COL7A1: variants seen among roughly 807,000 people sequenced by gnomAD.
COL7A1 encodes the protein collagen type VII alpha 1 chain.
COL7A1 carries 296 observed loss-of-function variants against 456.2 expected under a neutral mutation model. The ratio of observed to expected loss-of-function variants is 0.65; its 90% CI spans 0.59 to 0.71. The LOEUF is 0.71. COL7A1 is among the 30% of genes least tolerant of loss of function. The pLI is 0.00. For synonymous variants in COL7A1, 1,464 were observed against 1,525.9 expected, an observed-to-expected ratio of 0.96 and a Z score of 0.95; for missense variants, 3,441 against 4,017.2, an observed-to-expected ratio of 0.86 and a Z score of 3.88.
At position 48,593,738 on chromosome 3, in the gene COL7A1, C is replaced by T. The variant is rs764200101; in HGVS notation, c.267-42G>A. The T allele has an allele frequency of 3.1e-6, 5 of 1,613,588 alleles. No individual in the cohort carries two copies. Among genetic ancestry groups the T allele is most frequent in the Non-Finnish European group, 4.2e-6 (5 of 1,179,650 alleles). ...GTGGCAACAGGCTAGGACTCAGGAT[C>T]TCTTCTGGCCCTGGCCTTGAGGAGG... On this transcript the variant is annotated intron_variant, in intron 3 of 118. Transcript: ENST00000681320. The surrounding 1 kb of genome is among the most constrained non-coding windows in gnomAD (Gnocchi z 4.4).
In COL7A1 at chr3:48,583,738, G is replaced by C; in HGVS notation, c.4321C>G (p.Pro1441Ala). 1.2e-6 allele frequency: 2 copies of C among 1,614,024 alleles called. No individual in the cohort carries two copies. The highest frequency in any genetic ancestry group is 1.7e-6 in the Non-Finnish European group (2 of 1,179,970). The stretch of plus-strand genomic sequence containing the variant: ...CCTACTTTTTCTCCTTTCTTTCCAG[G>C]GGGGCCAACGGGGCCTTGGGGTCCA... The part of the protein sequence containing the change: ...SPGPQGPVGP[P>A]GKKGEKGDSE... The change falls in exon 40 of 119, where the codon CCT becomes GCT. Residue 1441 changes from proline to alanine, a missense_variant. By Grantham distance (27) the Pro-to-Ala change is conservative. Transcript: ENST00000681320. This position sits in a 1 kb window ranked among gnomAD's most constrained non-coding sequence, Gnocchi z 5.1.
chr3:48,572,197 A>T lies in COL7A1; in HGVS notation c.6979-26T>A. ...CTGTTGACAGAGGTCAGGAGGCAAC[A>T]CAGGCATCAGTCACAGAAAGATGAG... On this transcript the variant is annotated intron_variant, in intron 90 of 118. Coordinates refer to ENST00000681320, the MANE Select transcript of COL7A1 (RefSeq NM_000094.4). The surrounding 1 kb of genome is among the most constrained non-coding windows in gnomAD (Gnocchi z 4.6). The T allele has an allele frequency of 6.2e-7, 1 of 1,614,064 alleles. No homozygotes were observed. The highest frequency in any genetic ancestry group is 8.5e-7 in the Non-Finnish European group (1 of 1,180,010).
rs752718837 is a variant in COL7A1, at chr3:48,579,442, A to T, written c.5271+38T>A. 23 of 1,613,976 alleles carry T rather than the reference A, an allele frequency of 1.4e-5. No individual in the cohort carries two copies. Among genetic ancestry groups the T allele is most frequent in the Non-Finnish European group, 1.9e-5 (22 of 1,179,992 alleles). ...GGGTCAGATAAGAGGTGAGGGTAAG[A>T]TGGGGACTTGGCAGACGGGGCAAAG... On this transcript the variant is annotated intron_variant, in intron 60 of 118. Coordinates refer to ENST00000681320, the MANE Select transcript of COL7A1 (RefSeq NM_000094.4). This position sits in a 1 kb window ranked among gnomAD's most constrained non-coding sequence, Gnocchi z 4.4.
Position 48,592,518 on chromosome 3 carries a change from A to C in COL7A1, c.977-51T>G, listed in dbSNP as rs2045777547. 1 of 1,611,474 alleles carries C rather than the reference A, an allele frequency of 6.2e-7. No individual in the cohort carries two copies. Among genetic ancestry groups the C allele is most frequent in the East Asian group, 2.2e-5 (1 of 44,842 alleles). On this transcript the variant is annotated intron_variant, in intron 8 of 118. Coordinates refer to ENST00000681320, the MANE Select transcript of COL7A1 (RefSeq NM_000094.4). This position sits in a 1 kb window ranked among gnomAD's most constrained non-coding sequence, Gnocchi z 7.6. ...CATGGAGTCAGAAGTGGGAGGGGGTACTGGGGTCGGGGGTTAGGTGAATGG... is the reference window on the plus strand; with the variant it reads ...CATGGAGTCAGAAGTGGGAGGGGGTCCTGGGGTCGGGGGTTAGGTGAATGG...
Position 48,567,674 on chromosome 3 carries a change from C to A in COL7A1, c.7983+36G>T. 1 of 1,614,110 alleles carries A rather than the reference C, an allele frequency of 6.2e-7. No homozygotes were observed. The highest frequency in any genetic ancestry group is 2.2e-5 in the East Asian group (1 of 44,876). On this transcript the variant is annotated intron_variant, in intron 108 of 118. Transcript: ENST00000681320. This position sits in a 1 kb window ranked among gnomAD's most constrained non-coding sequence, Gnocchi z 4.3. The stretch of plus-strand genomic sequence containing the variant: ...AGACATGAACTTGGCCCCCGTCCAC[C>A]CGTGGCCCCCTCATTCTGAGCGTGC...
At position 48,590,524 on chromosome 3, in the gene COL7A1, A is replaced by G. The variant is rs1361271599; in HGVS notation, c.1841T>C (p.Val614Ala). ...AGGGACGGGTCCCCAGGCCACCCTCACTCGCGTTGCATCTGACACCACAAC... is the reference window on the plus strand; with the variant it reads ...AGGGACGGGTCCCCAGGCCACCCTCGCTCGCGTTGCATCTGACACCACAAC... ...LRVVVSDATR[V>A]RVAWGPVPGA... is the part of the protein sequence containing the mutation. Residue 614 changes from valine (V) to alanine (A), a missense_variant, in exon 15 of 119, where the codon GTG becomes GCG. Val to Ala is a moderately conservative substitution (Grantham distance 64). Coordinates refer to ENST00000681320, the MANE Select transcript of COL7A1 (RefSeq NM_000094.4). The surrounding 1 kb of genome is among the most constrained non-coding windows in gnomAD (Gnocchi z 4.6). 25 of 1,613,806 alleles carry G rather than the reference A, an allele frequency of 1.5e-5. No individual in the cohort carries two copies. The highest frequency in any genetic ancestry group is 1.9e-5 in the Non-Finnish European group (22 of 1,180,008).
Position 48,565,578 on chromosome 3 carries a change from T to A in COL7A1, c.8440+58A>T. 1.5e-5 allele frequency: 24 copies of A among 1,613,928 alleles called. No homozygotes were observed. In the South Asian group the frequency reaches 2.5e-4, roughly 17 times the overall value. On this transcript the variant is annotated intron_variant, in intron 115 of 118. Transcript: ENST00000681320. This position sits in a 1 kb window ranked among gnomAD's most constrained non-coding sequence, Gnocchi z 4.5. ...GCCAACCCCCCTGAGAGGACCCCAGTTGATAGGCAGGGCAGGGCCTGGGGT... is the reference window on the plus strand; with the variant it reads ...GCCAACCCCCCTGAGAGGACCCCAGATGATAGGCAGGGCAGGGCCTGGGGT...
chr3:48,580,111 C>G lies in COL7A1; in HGVS notation c.5098-54G>C, dbSNP rs1300710833. 1.2e-6 allele frequency: 2 copies of G among 1,606,548 alleles called. No individual in the cohort carries two copies. Among genetic ancestry groups the G allele is most frequent in the Non-Finnish European group, 1.7e-6 (2 of 1,174,516 alleles). On this transcript the variant is annotated intron_variant, in intron 56 of 118. Coordinates refer to ENST00000681320, the MANE Select transcript of COL7A1 (RefSeq NM_000094.4). This position sits in a 1 kb window ranked among gnomAD's most constrained non-coding sequence, Gnocchi z 4.5. ...GGAGCCCTCAGGTCCCAGGCCATGG[C>G]TCTGGTTTGCCCCAGGCTCAACTCT...
Position 48,586,277 on chromosome 3 carries a change from C to G in COL7A1, c.3551-31G>C, listed in dbSNP as rs2045252550. The G allele has an allele frequency of 1.2e-6, 2 of 1,613,714 alleles. No individual in the cohort carries two copies. Among genetic ancestry groups the G allele is most frequent in the East Asian group, 4.5e-5 (2 of 44,882 alleles). On this transcript the variant is annotated intron_variant, in intron 27 of 118. Transcript: ENST00000681320. This position sits in a 1 kb window ranked among gnomAD's most constrained non-coding sequence, Gnocchi z 5.1. ...GTGGGGTCCAGTGGCTGCATGATAG[C>G]CTTTTCAGGGCCACCCCTATTCCCA...
Position 48,584,015 on chromosome 3 carries a change from ACAACCTGTC to A in COL7A1, c.4224+11_4224+19del, listed in dbSNP as rs2045008043. On this transcript the variant is annotated intron_variant, in intron 38 of 118. Coordinates refer to ENST00000681320, the MANE Select transcript of COL7A1 (RefSeq NM_000094.4). Reference sequence around the variant, plus strand: ...AATCAGACTCCAAGCCACCCCTAGCACAACCTGTCCCTCACTTACCCGCTCCCCACGATC... The same window carrying A: ...AATCAGACTCCAAGCCACCCCTAGCACCTCACTTACCCGCTCCCCACGATC... 1.2e-6 allele frequency: 2 copies of A among 1,613,962 alleles called. No individual in the cohort carries two copies. Among genetic ancestry groups the A allele is most frequent in the Non-Finnish European group, 1.7e-6 (2 of 1,180,016 alleles).
At position 48,579,369 on chromosome 3, in the gene COL7A1, C is replaced by T; in HGVS notation, c.5307G>A (p.Lys1769=). Residue 1769 remains lysine, a splice_region_variant and synonymous_variant, in exon 61 of 119, where the codon AAG becomes AAA. Coordinates refer to ENST00000681320, the MANE Select transcript of COL7A1 (RefSeq NM_000094.4). The surrounding 1 kb of genome is among the most constrained non-coding windows in gnomAD (Gnocchi z 4.4). The part of the protein sequence containing the change: ...DPGVRGPAGE[K]GDRGPPGLDG... ...CTGAGAAACCCCCACACCCTCTCAC[C>T]TTTTCTCCTGCTGGGCCTCGGACAC... The T allele has an allele frequency of 6.2e-7, 1 of 1,614,154 alleles. No homozygotes were observed. Among genetic ancestry groups the T allele is most frequent in the Non-Finnish European group, 8.5e-7 (1 of 1,180,026 alleles).
Position 48,568,854 on chromosome 3 carries a change from C to A in COL7A1, c.7688G>T (p.Gly2563Val). 1 of 1,573,728 alleles carries A rather than the reference C, an allele frequency of 6.4e-7. No homozygotes were observed. The highest frequency in any genetic ancestry group is 8.6e-7 in the Non-Finnish European group (1 of 1,158,172). ...RGDNGDPGDK[G>V]SKGEPGDKGS... is the part of the protein sequence containing the mutation. ...CTTGTCACCAGGCTCTCCCTTGCTG[C>A]CCTGTGGGAGTGACCAGGAGAGGGA... The change falls in exon 104 of 119, where the codon GGC becomes GTC. Residue 2563 changes from glycine to valine, a missense_variant and splice_region_variant. Gly to Val is a moderately radical substitution (Grantham distance 109, BLOSUM62 -3). Coordinates refer to ENST00000681320, the MANE Select transcript of COL7A1 (RefSeq NM_000094.4). This position sits in a 1 kb window ranked among gnomAD's most constrained non-coding sequence, Gnocchi z 5.2.
Position 48,579,327 on chromosome 3 carries a change from T to C in COL7A1, c.5307+42A>G. ...GCCACCAAGGCTGAGGTGGATCTGA[T>C]AACCCAGGCTCATGTCCTGAGAAAC... On this transcript the variant is annotated intron_variant, in intron 61 of 118. Transcript: ENST00000681320. This position sits in a 1 kb window ranked among gnomAD's most constrained non-coding sequence, Gnocchi z 4.4. 1 of 1,614,154 alleles carries C rather than the reference T, an allele frequency of 6.2e-7. No individual in the cohort carries two copies. The highest frequency in any genetic ancestry group is 8.5e-7 in the Non-Finnish European group (1 of 1,180,022).
In COL7A1 at chr3:48,571,911, C is replaced by T; in HGVS notation, c.7068+90G>A. 1 of 1,498,508 alleles carries T rather than the reference C, an allele frequency of 6.7e-7. No individual in the cohort carries two copies. The highest frequency in any genetic ancestry group is 9.1e-7 in the Non-Finnish European group (1 of 1,093,510). The allele number at this position is 1,498,508 out of a possible 1,614,324, so 92.8% of individuals were successfully genotyped here. A position where few individuals can be genotyped will look rare whatever the true frequency, so the allele number is the denominator to read the frequency against. ...GGACATGCAGCCCGACTCAGGGGCT[C>T]AGACATGTGCCCCGGCCCAAGAGTG... On this transcript the variant is annotated intron_variant, in intron 92 of 118. Coordinates refer to ENST00000681320, the MANE Select transcript of COL7A1 (RefSeq NM_000094.4). This position sits in a 1 kb window ranked among gnomAD's most constrained non-coding sequence, Gnocchi z 4.6.
At chr3:48,577,175 C>G in intron 65 of COL7A1, 148 bp from the exon 66 acceptor site, 1 of 1,091,546 alleles carries the variant, frequency 9.2e-7, no homozygotes, top group Non-Finnish European at 1.4e-6. Flanking sequence ...CTGTGGCCGT[C>G]TGAGTGAGCT....
rs770456964 is a variant in COL7A1, at chr3:48,579,806, T to TGGTGA, written c.5132_5133insTCACC (p.Gly1712HisfsTer131). Reference sequence around the variant, plus strand: ...ATACCTTCTCTCTGGCTCCAGGTCCTGTGTCTACCTGTGGGGGGAATGACC... The same window carrying TGGTGA: ...ATACCTTCTCTCTGGCTCCAGGTCCTGGTGAGTGTCTACCTGTGGGGGGAATGACC... On this transcript the variant is annotated frameshift_variant, in exon 58 of 119. Coordinates refer to ENST00000681320, the MANE Select transcript of COL7A1 (RefSeq NM_000094.4). LOFTEE classifies it high-confidence loss of function. The surrounding 1 kb of genome is among the most constrained non-coding windows in gnomAD (Gnocchi z 4.4). The TGGTGA allele has an allele frequency of 3.1e-6, 5 of 1,613,972 alleles. No individual in the cohort carries two copies. The highest frequency in any genetic ancestry group is 1.7e-5 in the Admixed American group (1 of 60,002).
At position 48,595,170 on chromosome 3, in the gene COL7A1, A is replaced by G; in HGVS notation, c.-1-10T>C. The G allele has an allele frequency of 6.5e-7, 1 of 1,550,076 alleles. No homozygotes were observed. The highest frequency in any genetic ancestry group is 8.7e-7 in the Non-Finnish European group (1 of 1,146,772). Reference sequence around the variant, plus strand: ...AAGCCGCAGCGTCATCCTAGGCAGTAAAAGCCGTCAGCTAGGACCCCCGCC... The same window carrying G: ...AAGCCGCAGCGTCATCCTAGGCAGTGAAAGCCGTCAGCTAGGACCCCCGCC... On this transcript the variant is annotated splice_polypyrimidine_tract_variant and intron_variant, in intron 1 of 118. Transcript: ENST00000681320.
rs2044292950 is a variant in COL7A1 at position 48,576,306 on chromosome 3, T to A, written c.5773-10A>T. On this transcript the variant is annotated splice_polypyrimidine_tract_variant and intron_variant, in intron 70 of 118. Transcript: ENST00000681320. ...GCTCTCCAGGGAGGCCCTGGAGAGATGAAGACAAACTGCTAGGAACCAGCC... is the reference window on the plus strand; with the variant it reads ...GCTCTCCAGGGAGGCCCTGGAGAGAAGAAGACAAACTGCTAGGAACCAGCC... The A allele has an allele frequency of 6.2e-7, 1 of 1,613,694 alleles. No individual in the cohort carries two copies. The highest frequency in any genetic ancestry group is 8.5e-7 in the Non-Finnish European group (1 of 1,180,014).
In COL7A1 at chr3:48,594,372, G is replaced by C. The variant is rs1300288484; in HGVS notation, c.262C>G (p.Pro88Ala). 1 of 1,610,214 alleles carries C rather than the reference G, an allele frequency of 6.2e-7. No homozygotes were observed. The highest frequency in any genetic ancestry group is 8.5e-7 in the Non-Finnish European group (1 of 1,180,002). Residue 88 changes from proline (P) to alanine (A), a missense_variant, in exon 3 of 119, where the codon CCA (proline) becomes GCA (alanine). By Grantham distance (27) the Pro-to-Ala change is conservative. Around this residue, in one of 3 missense-constraint regions of COL7A1, gnomAD observed 913 missense variants for 1,088.2 expected, o/e 0.84. Coordinates refer to ENST00000681320, the MANE Select transcript of COL7A1 (RefSeq NM_000094.4). The surrounding 1 kb of genome is among the most constrained non-coding windows in gnomAD (Gnocchi z 5.5). The stretch of plus-strand genomic sequence containing the variant: ...GCCCCCAGGGCCCCTACTCACCGTG[G>C]GTCATCGCTGTACTGCACTGTGGCA... ...RFATVQYSDD[P>A]RTEFGLDALG...
Sources: gnomAD v4.1 joint callset for allele counts on GRCh38, gnomAD v4.1.1 for gene constraint, gnomAD v4.1.1 regional missense constraint, Gnocchi (gnomAD v3.1) non-coding constraint, MANE v1.5 for transcripts, NCBI Gene and HGNC (gene_info 2026-07-23, HGNC 2026-07-21) for gene names.